GOLM1: variants seen among roughly 807,000 people sequenced by gnomAD.
GOLM1 encodes epididymis luminal protein 46.
A neutral mutation model predicts 50.5 loss-of-function variants in GOLM1; 31 were observed. The ratio of observed to expected loss-of-function variants is 0.61; its 90% CI spans 0.46 to 0.83. The LOEUF is 0.83. Ranked by LOEUF, GOLM1 falls within the 40% of genes least tolerant of loss-of-function variation. The probability of loss-of-function intolerance (pLI) is 0.00; values close to 1 mark genes in which losing one functional copy is unlikely to be tolerated. For synonymous variants in GOLM1, 178 were observed against 192.8 expected (o/e 0.92, Z 0.64); for missense variants, 491 against 501.3 (o/e 0.98, Z 0.20).
At chr9:86,099,644 G>A (rs949219500), upstream of GOLM1, 17 of 149,762 alleles carry the variant, frequency 1.1e-4, no homozygotes, top group African/African-American at 3.9e-4. Context: ...GAGAAGCGAG[G>A]CAGGGGCTGC....
chr9:86,051,752 C>T (rs1263385612), intron 4 of GOLM1, among the ~76,000 whole-genome samples: 1 of 152,064 alleles, frequency 6.6e-6, no homozygotes, highest in Admixed American at 6.6e-5. Flanking sequence ...ACTCCCACCC[C>T]CGCAGCCAGG....
chr9:86,075,522 G>A (rs1473995220), intron 3 of GOLM1, among the ~76,000 whole-genome samples: 5 of 152,112 alleles, frequency 3.3e-5, no homozygotes, highest in Admixed American at 3.3e-4. Context: ...CTTGACAGTT[G>A]AGAAAACAGA....
rs201548668 is a variant in GOLM1, at chr9:86,035,441, C to G, written c.942G>C (p.Glu314Asp). 2.5e-6 allele frequency: 4 copies of G among 1,614,006 alleles called. No individual in the cohort carries two copies. The African/African-American group carries it at 5.3e-5, about 22-fold the overall frequency. ...GCTGGTCTCGCTCAGGGCCCTCCAT[C>G]TCTGGATTTTCCTGGCTCACTGACA... Reference protein sequence around the residue: ...AALSVSQENPEMEGPERDQLV... With the variant: ...AALSVSQENPDMEGPERDQLV... The change falls in exon 8 of 10, where the codon GAG becomes GAC. Residue 314 changes from glutamate to aspartate, a missense_variant. By Grantham distance (45) the Glu-to-Asp change is conservative (BLOSUM62 2). Transcript: ENST00000388712.
At chr9:86,052,734 G>A (rs2118731213) in intron 3 of GOLM1, 143 bp from the exon 4 acceptor site, 2 of 619,430 alleles carry the variant, frequency 3.2e-6, no homozygotes, top group Non-Finnish European at 5.9e-6. Context: ...CTCAGGCTGG[G>A]CCCTCCCATG....
In GOLM1 at chr9:86,036,068, G is replaced by A. The variant is rs1354811471; in HGVS notation, c.757+280C>T. Among the ~76,000 whole-genome samples, 5 of 151,980 alleles carry A rather than the reference G, an allele frequency of 3.3e-5. No individual in the cohort carries two copies. In the East Asian group the frequency reaches 7.8e-4, roughly 24 times the overall value. On this transcript the variant is annotated intron_variant, in intron 7 of 9. Transcript: ENST00000388712. Reference sequence around the variant, plus strand: ...GGTTCCCAGTGTCTGGGGCTCAGCCGCCTCCCCCGAGTCCCACAAGCCCAC... The same window carrying A: ...GGTTCCCAGTGTCTGGGGCTCAGCCACCTCCCCCGAGTCCCACAAGCCCAC...
At chr9:86,050,222 G>T (rs551544586) in intron 4 of GOLM1, among the ~76,000 whole-genome samples, 56 of 152,312 alleles carry the variant, frequency 3.7e-4, no homozygotes, top group Non-Finnish European at 6.2e-4. Context: ...AAGGCAACTT[G>T]ATTGTGTTGG....
intron 4 of GOLM1, among the ~76,000 whole-genome samples, chr9:86,050,107 C>T (rs1287585774): frequency 2.0e-5 from 3 of 152,188 alleles, no homozygotes; most frequent in African/African-American, 7.2e-5. Flanking sequence ...GCCTTTTCTG[C>T]ATCTATTGAG....
chr9:86,032,977 C>T (rs1587693466), intron 9 of GOLM1, among the ~76,000 whole-genome samples: 2 of 152,196 alleles, frequency 1.3e-5, no homozygotes, highest in African/African-American at 4.8e-5. Flanking sequence ...AAGTAGTGAC[C>T]TAGCCATTTT....
intron 3 of GOLM1, among the ~76,000 whole-genome samples, chr9:86,053,477 T>TTCACACCAA (rs1833849415): frequency 5.0e-4 from 4 of 8,052 alleles, no homozygotes; most frequent in Admixed American, 1.8e-3. Flanking sequence ...CACCACTCCA[T>TTCACACCAA]ACCACACACA....
chr9:86,060,159 C>G (rs180920700), intron 3 of GOLM1, among the ~76,000 whole-genome samples: 1 of 152,194 alleles, frequency 6.6e-6, no homozygotes, highest in Admixed American at 6.5e-5. Context: ...TTTTCACACT[C>G]AATCTTTGCA....
At chr9:86,030,942 CGTG>C (rs1832957428) in intron 9 of GOLM1, among the ~76,000 whole-genome samples, 1 of 152,200 alleles carries the variant, frequency 6.6e-6, no homozygotes, top group Non-Finnish European at 1.5e-5. Context: ...GTTAGCCAGA[CGTG>C]GTGGCTTACG....
At position 86,040,884 on chromosome 9, in the gene GOLM1, G is replaced by A; in HGVS notation, c.468-16C>T. 1 of 1,612,478 alleles carries A rather than the reference G, an allele frequency of 6.2e-7. No homozygotes were observed. The highest frequency in any genetic ancestry group is 8.5e-7 in the Non-Finnish European group (1 of 1,179,140). On this transcript the variant is annotated splice_polypyrimidine_tract_variant and intron_variant, in intron 5 of 9. Transcript: ENST00000388712. Reference sequence around the variant, plus strand: ...GCACTGGCTCCTTTGGTGAAAGAAAGCAAAGGAAGGGCCTGACGTCTATGA... The same window carrying A: ...GCACTGGCTCCTTTGGTGAAAGAAAACAAAGGAAGGGCCTGACGTCTATGA...
At chr9:86,064,847 G>A (rs1052753128) in intron 3 of GOLM1, among the ~76,000 whole-genome samples, 8 of 152,138 alleles carry the variant, frequency 5.3e-5, no homozygotes, top group East Asian at 3.9e-4. Flanking sequence ...GCTCCTCCAC[G>A]TCGGTTCCAC....
At chr9:86,031,474 T>TCC (rs1491184379) in intron 9 of GOLM1, among the ~76,000 whole-genome samples, 3 of 139,400 alleles carry the variant, frequency 2.2e-5, no homozygotes, top group Non-Finnish European at 4.6e-5. Context: ...TTTTTTTTTT[T>TCC]CCCCGAGACG....
chr9:86,088,720 G>T (rs1835075292), intron 1 of GOLM1, among the ~76,000 whole-genome samples: 1 of 151,374 alleles, frequency 6.6e-6, no homozygotes, highest in Non-Finnish European at 1.5e-5. Context: ...TATCCAATTT[G>T]CCAGTCTGTG....
At chr9:86,071,225 G>A (rs1036028290) in intron 3 of GOLM1, among the ~76,000 whole-genome samples, 2 of 152,066 alleles carry the variant, frequency 1.3e-5, no homozygotes, top group Non-Finnish European at 2.9e-5. Flanking sequence ...AGCTTCCTGA[G>A]TAGCTAGGAC....
chr9:86,072,073 C>A lies in GOLM1; in HGVS notation c.309+5339G>T, dbSNP rs534801592. 3.9e-5 allele frequency among the ~76,000 whole-genome samples: 6 copies of A among 152,238 alleles called. No individual in the cohort carries two copies. The South Asian group carries it at 1.2e-3, about 32-fold the overall frequency. On this transcript the variant is annotated intron_variant, in intron 3 of 9. Coordinates refer to ENST00000388712, the MANE Select transcript of GOLM1 (RefSeq NM_016548.4). ...AAAGCAAGTTATAAAATGATAGTGA[C>A]CAAACATATACATTAAAACCAGAGA...
intron 3 of GOLM1, among the ~76,000 whole-genome samples, chr9:86,053,128 A>AC (rs1185604584): frequency 1.7e-5 from 1 of 58,504 alleles, no homozygotes; most frequent in Non-Finnish European, 3.3e-5. Context: ...CACACCACAC[A>AC]CCACACCAAA....
At chr9:86,048,381 A>G (rs1833627192) in intron 4 of GOLM1, among the ~76,000 whole-genome samples, 1 of 152,104 alleles carries the variant, frequency 6.6e-6, no homozygotes, top group African/African-American at 2.4e-5. Context: ...TCCTTTGGGT[A>G]TATACCCAGT....
Sources: gnomAD v4.1 joint callset for allele counts (sites outside exome capture counted in the v4.1 genomes callset) on GRCh38, gnomAD v4.1.1 for gene constraint, MANE v1.5 for transcripts, NCBI Gene and HGNC (gene_info 2026-07-23, HGNC 2026-07-21) for gene names.